The following RERE variants were observed in gnomAD, a reference collection of about 807,000 sequenced individuals.
RERE encodes the protein arginine-glutamic acid dipeptide repeats protein.
RERE carries 40 observed loss-of-function variants against 146.1 expected under a neutral mutation model. That is an observed-to-expected ratio of 0.27 (90% confidence interval 0.21 to 0.36). RERE has a LOEUF of 0.36. RERE is among the 10% of genes least tolerant of loss of function. The probability of loss-of-function intolerance (pLI) is 1.00; values close to 1 mark genes in which losing one functional copy is unlikely to be tolerated. For synonymous variants in RERE, 1,003 were observed against 866.0 expected (o/e 1.16, Z -2.78); for missense variants, 1,933 against 2,138.7 (o/e 0.90, Z 1.90).
chr1:8,753,204 C>T lies in RERE; in HGVS notation c.-145+63956G>A, dbSNP rs563703106. The stretch of plus-strand genomic sequence containing the variant: ...AGCTACTATTAAAAATGCTTCCCTG[C>T]GATAAAAGGAGGGAATAAACAATAT... On this transcript the variant is annotated intron_variant, in intron 1 of 22. Transcript: ENST00000400908. Among the ~76,000 whole-genome samples, 15 of 152,186 alleles carry T rather than the reference C, an allele frequency of 9.9e-5. No homozygotes were observed. In the South Asian group the frequency reaches 1.0e-3, roughly 11 times the overall value.
intron 11 of RERE, among the ~76,000 whole-genome samples, chr1:8,442,585 A>G (rs1375146247): frequency 6.6e-6 from 1 of 152,156 alleles, no homozygotes; most frequent in Non-Finnish European, 1.5e-5. Context: ...TCTTTTCTTT[A>G]TAAATCACCC....
intron 1 of RERE, among the ~76,000 whole-genome samples, chr1:8,675,496 A>C (rs1638814122): frequency 1.4e-4 from 1 of 6,984 alleles, no homozygotes; most frequent in Non-Finnish European, 2.5e-4. Context: ...CCATCTCTAC[A>C]AAAAAAAAAA....
At chr1:8,358,967 C>T (rs758636754) in intron 19 of RERE, 51 bp from the exon 20 acceptor site, 147 of 1,495,466 alleles carry the variant, frequency 9.8e-5, no homozygotes, top group South Asian at 1.5e-4. Flanking sequence ...CTGGGGTCTC[C>T]GCTTGGTCCA....
intron 12 of RERE, among the ~76,000 whole-genome samples, chr1:8,375,486 T>C (rs966963259): frequency 3.3e-5 from 5 of 152,234 alleles, no homozygotes; most frequent in African/African-American, 9.6e-5. Flanking sequence ...TATCATGGAA[T>C]GGTGGCTTAG....
intron 1 of RERE, among the ~76,000 whole-genome samples, chr1:8,710,595 T>C (rs1639646149): frequency 6.6e-6 from 1 of 152,196 alleles, no homozygotes; most frequent in African/African-American, 2.4e-5. Flanking sequence ...CTCGGCTCAT[T>C]GCAAGCTCCG....
chr1:8,678,613 GGTT>G (rs1638896816), intron 1 of RERE, among the ~76,000 whole-genome samples: 1 of 151,948 alleles, frequency 6.6e-6, no homozygotes, highest in African/African-American at 2.4e-5. Context: ...GGGAGGCGGA[GGTT>G]GCAGGGAGGC....
chr1:8,364,960 C>G lies in RERE; in HGVS notation c.1448-122G>C. 1.4e-6 allele frequency: 1 copy of G among 717,368 alleles called. No individual in the cohort carries two copies. Among genetic ancestry groups the G allele is most frequent in the South Asian group, 1.6e-5 (1 of 61,084 alleles). 44.4% of individuals were successfully genotyped at this position (717,368 alleles called of 1,614,324 possible). A position where few individuals can be genotyped will look rare whatever the true frequency, so the allele number is the denominator to read the frequency against. ...ACCTCTGGCCTACTGCAGGTTCTGG[C>G]CACCAGTCAGAGCGGCTGGGTGCAC... On this transcript the variant is annotated intron_variant, in intron 13 of 22. Transcript: ENST00000400908. The surrounding 1 kb of genome is among the most constrained non-coding windows in gnomAD (Gnocchi z 5.1).
intron 12 of RERE, among the ~76,000 whole-genome samples, chr1:8,409,123 C>T (rs1643542048): frequency 6.6e-6 from 1 of 152,178 alleles, no homozygotes. Context: ...GAGACTGTGC[C>T]GTTTTGAAGG....
chr1:8,501,941 GGA>G (rs751383339), intron 8 of RERE, among the ~76,000 whole-genome samples: 1 of 93,708 alleles, frequency 1.1e-5, no homozygotes, highest in East Asian at 3.2e-4. Flanking sequence ...GAGGTGGGGG[GGA>G]TCAGCCCCCC....
chr1:8,408,570 A>G (rs111466648), intron 12 of RERE, among the ~76,000 whole-genome samples: 1 of 152,176 alleles, frequency 6.6e-6, no homozygotes, highest in Non-Finnish European at 1.5e-5. Flanking sequence ...TGAGCTTCAC[A>G]GATCATTAAA....
At position 8,360,852 on chromosome 1, in the gene RERE, C is replaced by T; in HGVS notation, c.2655G>A (p.Leu885=). 1 of 1,536,850 alleles carries T rather than the reference C, an allele frequency of 6.5e-7. No homozygotes were observed. The highest frequency in any genetic ancestry group is 1.2e-5 in the South Asian group (1 of 84,638). ...GGTACGCTGCTGCTGGGGAGGTCCC[C>T]AGAGGGGCCTGGCCTTGGGAGGCCT... is the stretch of plus-strand genomic sequence containing the variant. The part of the protein sequence containing the change: ...PPQASQGQAP[L]GTSPAAAYPH... The change falls in exon 18 of 23, where the codon CTG becomes CTA. Residue 885 remains leucine, a synonymous_variant. Transcript: ENST00000400908.
At chr1:8,748,399 C>T (rs1389895805) in intron 1 of RERE, among the ~76,000 whole-genome samples, 1 of 152,128 alleles carries the variant, frequency 6.6e-6, no homozygotes, top group Admixed American at 6.5e-5. Flanking sequence ...TCAGAGCTTC[C>T]CATCTCTAAA....
chr1:8,482,911 T>C (rs1644854831), intron 10 of RERE, among the ~76,000 whole-genome samples: 1 of 152,174 alleles, frequency 6.6e-6, no homozygotes, highest in Non-Finnish European at 1.5e-5. Context: ...ATGCTAATAA[T>C]CAGCTGAAAA....
chr1:8,487,976 T>A (rs1273995300), intron 10 of RERE, among the ~76,000 whole-genome samples: 1 of 151,856 alleles, frequency 6.6e-6, no homozygotes, highest in African/African-American at 2.4e-5. Flanking sequence ...CATGGTGGCA[T>A]GCACTTGTAG....
intron 1 of RERE, among the ~76,000 whole-genome samples, chr1:8,781,446 C>T (rs572528540): frequency 3.3e-5 from 5 of 151,974 alleles, no homozygotes; most frequent in African/African-American, 9.7e-5. Flanking sequence ...GTTGCTTAAG[C>T]CTGGGAAGTC....
intron 12 of RERE, among the ~76,000 whole-genome samples, chr1:8,422,118 T>C (rs375368037): frequency 1.1e-4 from 17 of 152,358 alleles, no homozygotes; most frequent in Middle Eastern, 3.4e-3. Flanking sequence ...TCGGGCACAT[T>C]TGTCAGCTCT....
chr1:8,681,486 A>G (rs1031246224), intron 1 of RERE, among the ~76,000 whole-genome samples: 2 of 152,350 alleles, frequency 1.3e-5, no homozygotes, highest in East Asian at 3.9e-4. Flanking sequence ...ACACCATGGC[A>G]AAAGGCAAAT....
At chr1:8,755,586 A>G (rs941005087) in intron 1 of RERE, among the ~76,000 whole-genome samples, 2 of 152,232 alleles carry the variant, frequency 1.3e-5, no homozygotes, top group African/African-American at 4.8e-5. Context: ...GTTGAAAGGC[A>G]GTGTAAAAAC....
chr1:8,429,229 C>T (rs981147539), intron 11 of RERE, among the ~76,000 whole-genome samples: 2 of 152,264 alleles, frequency 1.3e-5, no homozygotes, highest in African/African-American at 2.4e-5. Context: ...CCATGTATCA[C>T]TAAATCCTTG....
Sources: allele counts gnomAD v4.1 joint callset (sites outside exome capture counted in the v4.1 genomes callset), GRCh38; gene constraint gnomAD v4.1.1; non-coding constraint Gnocchi (gnomAD v3.1); transcripts MANE v1.5; gene names NCBI Gene and HGNC (gene_info 2026-07-23, HGNC 2026-07-21).